SEC14L1: variants seen among roughly 807,000 people sequenced by gnomAD.
The protein encoded by SEC14L1 is SEC14-like protein 1.
A neutral mutation model predicts 85.3 loss-of-function variants in SEC14L1; 48 were observed. The ratio of observed to expected loss-of-function variants is 0.56; its 90% CI spans 0.45 to 0.72. SEC14L1 has a LOEUF of 0.72. Among genes scored for constraint, SEC14L1 ranks in the 30% least tolerant of loss-of-function variants. SEC14L1 has a pLI of 0.00. For missense variants in SEC14L1, 682 were observed against 921.4 expected (o/e 0.74, Z 3.36); for synonymous variants, 391 against 355.5 (o/e 1.10, Z -1.12).
chr17:77,189,124 T>C (rs999874822), intron 3 of SEC14L1, among the ~76,000 whole-genome samples: 1 of 152,312 alleles, frequency 6.6e-6, no homozygotes, highest in Middle Eastern at 3.4e-3. Context: ...CTTTTTTGAT[T>C]CCAGAATCAG....
At chr17:77,107,647 C>G (rs922731979) in intron 3 of SEC14L1, among the ~76,000 whole-genome samples, 1 of 152,046 alleles carries the variant, frequency 6.6e-6, no homozygotes, top group Admixed American at 6.6e-5. Flanking sequence ...CAGAATAAAC[C>G]GCAACCTCCT....
intron 3 of SEC14L1, among the ~76,000 whole-genome samples, chr17:77,104,851 G>A (rs557714194): frequency 4.0e-4 from 60 of 150,864 alleles, no homozygotes; most frequent in African/African-American, 1.3e-3. Flanking sequence ...TTGAGGACAC[G>A]TACCTGTGAC....
At chr17:77,114,272 C>T (rs1454551808) in intron 3 of SEC14L1, among the ~76,000 whole-genome samples, 1 of 152,160 alleles carries the variant, frequency 6.6e-6, no homozygotes, top group Non-Finnish European at 1.5e-5. Context: ...CGCCTGTAAT[C>T]CCAGCACTTT....
intron 3 of SEC14L1, among the ~76,000 whole-genome samples, chr17:77,169,574 T>C (rs117590273): frequency 0.033 from 5,021 of 152,332 alleles, 101 homozygotes; most frequent in Non-Finnish European, 0.049. Context: ...CATCTTGGTA[T>C]CCTGTTCTAA....
chr17:77,214,726 T>A lies in SEC14L1; in HGVS notation c.*703T>A. 1.0e-6 allele frequency: 1 copy of A among 985,474 alleles called. No homozygotes were observed. Among genetic ancestry groups the A allele is most frequent in the South Asian group, 4.7e-5 (1 of 21,294 alleles). The allele number at this position is 985,474 out of a possible 1,614,324, so 61.0% of individuals were successfully genotyped here. On this transcript the variant is annotated 3_prime_UTR_variant, in exon 17 of 17. Transcript: ENST00000436233. ...TACTTTCTCTTTCCTCCTTTTCAAA[T>A]CTTTTTGATACTTTTTAGAGCAGGA...
intron 3 of SEC14L1, among the ~76,000 whole-genome samples, chr17:77,119,616 T>C (rs514653): frequency 0.34 from 51,660 of 152,052 alleles, 9,177 homozygotes; most frequent in Middle Eastern, 0.4. Flanking sequence ...ATGTATTTGA[T>C]GAAATAATTT....
intron 3 of SEC14L1, among the ~76,000 whole-genome samples, chr17:77,120,580 G>C (rs188972093): frequency 2.0e-5 from 3 of 152,000 alleles, no homozygotes; most frequent in Non-Finnish European, 4.4e-5. Flanking sequence ...AGGTTCAAGC[G>C]ATTCTCCTGC....
At chr17:77,200,966 G>A (rs972686718) in intron 9 of SEC14L1, among the ~76,000 whole-genome samples, 1 of 152,198 alleles carries the variant, frequency 6.6e-6, no homozygotes, top group African/African-American at 2.4e-5. Context: ...AGTTTGTTTT[G>A]ACCTATTAAA....
At chr17:77,167,394 C>T (rs562481959) in intron 3 of SEC14L1, among the ~76,000 whole-genome samples, 8 of 152,142 alleles carry the variant, frequency 5.3e-5, no homozygotes, top group Non-Finnish European at 1.0e-4. Context: ...CTTGGCCTCT[C>T]GAAATGCTAG....
intron 3 of SEC14L1, among the ~76,000 whole-genome samples, chr17:77,190,425 A>G (rs1449338890): frequency 6.6e-6 from 1 of 152,208 alleles, no homozygotes; most frequent in East Asian, 1.9e-4. Flanking sequence ...GTTATAGAGT[A>G]AGCCTTAATA....
intron 3 of SEC14L1, among the ~76,000 whole-genome samples, chr17:77,189,965 T>C (rs1975448825): frequency 6.6e-6 from 1 of 152,228 alleles, no homozygotes; most frequent in Admixed American, 6.5e-5. Context: ...TTTTTAACTT[T>C]GAGGAAGTTC....
rs1265638251 is a variant in SEC14L1 at position 77,206,233 on chromosome 17, T to G, written c.1174T>G (p.Trp392Gly). The G allele has an allele frequency of 6.2e-7, 1 of 1,613,900 alleles. No individual in the cohort carries two copies. Among genetic ancestry groups the G allele is most frequent in the East Asian group, 2.2e-5 (1 of 44,888 alleles). ...ACATCTCTGCACAACCTGCAGCTCA[T>G]GGACCTGCCTGGTGGACTTGGAAGG... ...TKVFGRPISS[W>G]TCLVDLEGLN... is the part of the protein sequence containing the mutation. The change falls in exon 12 of 17, where the codon TGG (tryptophan) becomes GGG (glycine). Residue 392 changes from tryptophan to glycine, a missense_variant. Coordinates refer to ENST00000436233, the MANE Select transcript of SEC14L1 (RefSeq NM_001143998.2). The surrounding 1 kb of genome is among the most constrained non-coding windows in gnomAD (Gnocchi z 4.3).
intron 3 of SEC14L1, among the ~76,000 whole-genome samples, chr17:77,147,075 A>G (rs1164913871): frequency 6.6e-6 from 1 of 152,228 alleles, no homozygotes; most frequent in Non-Finnish European, 1.5e-5. Context: ...GTGCCTCACT[A>G]GAACGCACGG....
At chr17:77,097,288 G>A (rs1014737134) in intron 3 of SEC14L1, among the ~76,000 whole-genome samples, 4 of 152,164 alleles carry the variant, frequency 2.6e-5, no homozygotes, top group African/African-American at 7.2e-5. Flanking sequence ...GATTGTGGCC[G>A]GGCACGGTGG....
chr17:77,182,373 C>T (rs1206577053), intron 3 of SEC14L1, among the ~76,000 whole-genome samples: 2 of 152,158 alleles, frequency 1.3e-5, no homozygotes, highest in Non-Finnish European at 2.9e-5. Flanking sequence ...ATTGCAGGCT[C>T]AGAAATCCCT....
At chr17:77,127,207 A>C (rs1003639598) in intron 3 of SEC14L1, among the ~76,000 whole-genome samples, 1 of 150,390 alleles carries the variant, frequency 6.6e-6, no homozygotes, top group Non-Finnish European at 1.5e-5. Flanking sequence ...TCATTGTTCA[A>C]CTCCCACTTA....
At chr17:77,142,784 A>G (rs1022085877) in intron 2 of SEC14L1, 34 bp downstream of exon 2, 1 of 152,214 alleles carries the variant, frequency 6.6e-6, no homozygotes, top group Non-Finnish European at 1.5e-5. Flanking sequence ...CTCACTTTAA[A>G]TAGGGGAGAC....
chr17:77,111,451 G>A (rs1972044974), intron 3 of SEC14L1, among the ~76,000 whole-genome samples: 1 of 150,004 alleles, frequency 6.7e-6, no homozygotes, highest in East Asian at 2.0e-4. Context: ...GGAGTGCAGT[G>A]GGGCAAAAGC....
At chr17:77,115,776 G>A (rs763976719) in intron 3 of SEC14L1, among the ~76,000 whole-genome samples, 2 of 152,200 alleles carry the variant, frequency 1.3e-5, no homozygotes, top group East Asian at 1.9e-4. Flanking sequence ...GAGAGAGGTC[G>A]TGGGAGCTGT....
Sources: allele counts gnomAD v4.1 joint callset (sites outside exome capture counted in the v4.1 genomes callset), GRCh38; gene constraint gnomAD v4.1.1; non-coding constraint Gnocchi (gnomAD v3.1); transcripts MANE v1.5; gene names NCBI Gene and HGNC (gene_info 2026-07-23, HGNC 2026-07-21).